Variants in SPTB observed in about 807,000 individuals in gnomAD.
SPTB encodes the protein spectrin beta, erythrocytic.
A neutral mutation model predicts 256.2 loss-of-function variants in SPTB; 45 were observed. That is an observed-to-expected ratio of 0.18 (90% CI 0.14 to 0.23). The LOEUF (loss-of-function observed/expected upper bound fraction) is 0.23. SPTB is among the 10% of genes least tolerant of loss of function. The pLI, the probability that SPTB is intolerant of heterozygous loss-of-function variation, is 1.00. For missense variants in SPTB, 2,715 were observed against 3,040.4 expected (o/e 0.89, Z 2.52); for synonymous variants, 1,231 against 1,243.1 (o/e 0.99, Z 0.21).
chr14:64,816,850 G>A lies in SPTB; in HGVS notation c.148+6097C>T, dbSNP rs1216246284. Among the ~76,000 whole-genome samples the A allele has an allele frequency of 3.4e-5, 5 of 148,156 alleles. No homozygotes were observed. In the East Asian group the frequency reaches 1.0e-3, roughly 31 times the overall value. ...GGGACACATGGGGCAGGGAGAATGG[G>A]TGCTGGCTTTTCCTGAGAGCCATAA... On this transcript the variant is annotated intron_variant, in intron 2 of 35. Transcript: ENST00000644917. This position sits in a 1 kb window ranked among gnomAD's most constrained non-coding sequence, Gnocchi z 4.2.
At chr14:64,863,627 T>C (rs563738907) in intron 1 of SPTB, among the ~76,000 whole-genome samples, 102 of 152,318 alleles carry the variant, frequency 6.7e-4, no homozygotes, top group African/African-American at 2.3e-3. Context: ...CTGCATCATT[T>C]CTGTCTCTGC....
At chr14:64,865,729 A>C (rs1305779453) in intron 1 of SPTB, among the ~76,000 whole-genome samples, 2 of 152,180 alleles carry the variant, frequency 1.3e-5, no homozygotes, top group African/African-American at 2.4e-5. Context: ...CACAGCTTTG[A>C]AACACAAATG....
At chr14:64,836,240 C>T (rs1403828447) in intron 1 of SPTB, among the ~76,000 whole-genome samples, 6 of 152,118 alleles carry the variant, frequency 3.9e-5, no homozygotes, top group Non-Finnish European at 7.4e-5. Flanking sequence ...CGTAGCCTCC[C>T]CCTCTATTTA....
chr14:64,878,268 G>A (rs1186680860), intron 1 of SPTB, among the ~76,000 whole-genome samples: 2 of 152,164 alleles, frequency 1.3e-5, no homozygotes, highest in East Asian at 3.9e-4. Context: ...TTTCAAGGCT[G>A]GTGGGCTCTT....
intron 15 of SPTB, among the ~76,000 whole-genome samples, chr14:64,789,539 C>T (rs61594992): frequency 0.19 from 28,359 of 151,936 alleles, 3,157 homozygotes; most frequent in African/African-American, 0.3. Context: ...TTCCATGGGG[C>T]GGTCAGCGGG....
chr14:64,774,311 C>T, intron 24 of SPTB, 86 bp downstream of exon 24: 1 of 1,489,496 alleles, frequency 6.7e-7, no homozygotes, highest in Non-Finnish European at 9.0e-7. Context: ...TTTCCATTTT[C>T]CTTTTAAATC....
chr14:64,813,759 C>T (rs1029036808), intron 2 of SPTB, among the ~76,000 whole-genome samples: 12 of 152,226 alleles, frequency 7.9e-5, no homozygotes, highest in African/African-American at 2.4e-4. Flanking sequence ...CTCTTGACCT[C>T]AGGTGCTCCA....
At position 64,779,768 on chromosome 14, in the gene SPTB, G is replaced by A; in HGVS notation, c.4430C>T (p.Ser1477Phe). 1 of 1,614,156 alleles carries A rather than the reference G, an allele frequency of 6.2e-7. No individual in the cohort carries two copies. The highest frequency in any genetic ancestry group is 8.5e-7 in the Non-Finnish European group (1 of 1,180,026). Residue 1477 changes from serine to phenylalanine, a missense_variant, in exon 21 of 36, where the codon TCC (serine) becomes TTC (phenylalanine). Ser to Phe is a radical substitution (Grantham distance 155). This residue lies in a region of SPTB where 2,239 missense variants were observed against 2,384.4 expected (regional missense o/e 0.94). Coordinates refer to ENST00000644917, the MANE Select transcript of SPTB (RefSeq NM_001355436.2). This position sits in a 1 kb window ranked among gnomAD's most constrained non-coding sequence, Gnocchi z 4.2. ...CCGGCTGATCTGCAGCTTGGCTCTG[G>A]ATGATTCCAGCTGCTTCTTCCTCCT... ...LGRRKKQLES[S>F]RAKLQISRDL...
In SPTB at chr14:64,764,418, C is replaced by T. The variant is rs1157355064; in HGVS notation, c.6345+2308G>A. Among the ~76,000 whole-genome samples, 9 of 152,200 alleles carry T rather than the reference C, an allele frequency of 5.9e-5. No individual in the cohort carries two copies. Among genetic ancestry groups the T allele is most frequent in the African/African-American group, 1.2e-4 (5 of 41,448 alleles). On this transcript the variant is annotated intron_variant, in intron 32 of 35. Coordinates refer to ENST00000644917, the MANE Select transcript of SPTB (RefSeq NM_001355436.2). The surrounding 1 kb of genome is among the most constrained non-coding windows in gnomAD (Gnocchi z 4.2). The stretch of plus-strand genomic sequence containing the variant: ...GTGCGTGAGGCCTTGGGTCTGTGTT[C>T]GTTTGAGTCACCATCTGGTTTCTTT...
chr14:64,779,005 T>A lies in SPTB; in HGVS notation c.4563+152A>T, dbSNP rs538152815. 2.5e-4 allele frequency: 164 copies of A among 650,570 alleles called. 3 individuals carry two copies. The South Asian group carries it at 2.8e-3, about 11-fold the overall frequency. 40.3% of individuals were successfully genotyped at this position (650,570 alleles called of 1,614,324 possible). On this transcript the variant is annotated intron_variant, in intron 22 of 35. Transcript: ENST00000644917. The surrounding 1 kb of genome is among the most constrained non-coding windows in gnomAD (Gnocchi z 4.2). ...AAAACCTGCTCTTTCTGCTATAAGA[T>A]TACCAATACGGTTTGGAGACCCCAA...
intron 33 of SPTB, 101 bp downstream of exon 33, chr14:64,753,436 C>A: frequency 1.3e-6 from 2 of 1,580,626 alleles, no homozygotes; most frequent in Non-Finnish European, 1.7e-6. Flanking sequence ...CAGAAGGCAC[C>A]CCTCCCCCAG....
In SPTB at chr14:64,772,493, A is replaced by C; in HGVS notation, c.5553+87T>G. ...CAAAACCTCCTGGCACTTATCCTAGAGGTTTTCCTGCTGACAGCCAGGTGG... is the reference window on the plus strand; with the variant it reads ...CAAAACCTCCTGGCACTTATCCTAGCGGTTTTCCTGCTGACAGCCAGGTGG... On this transcript the variant is annotated intron_variant, in intron 26 of 35. Transcript: ENST00000644917. The surrounding 1 kb of genome is among the most constrained non-coding windows in gnomAD (Gnocchi z 5.4). 2.6e-6 allele frequency: 4 copies of C among 1,554,890 alleles called. No individual in the cohort carries two copies. The South Asian group carries it at 4.7e-5, about 18-fold the overall frequency.
At position 64,749,212 on chromosome 14, in the gene SPTB, G is replaced by T. The variant is rs955564434; in HGVS notation, c.*94C>A. 5 of 1,460,690 alleles carry T rather than the reference G, an allele frequency of 3.4e-6. No homozygotes were observed. Among genetic ancestry groups the T allele is most frequent in the South Asian group, 1.2e-5 (1 of 82,068 alleles). The allele number at this position is 1,460,690 out of a possible 1,614,324, so 90.5% of individuals were successfully genotyped here. A position where few individuals can be genotyped will look rare whatever the true frequency, so the allele number is the denominator to read the frequency against. On this transcript the variant is annotated 3_prime_UTR_variant, in exon 36 of 36. Coordinates refer to ENST00000644917, the MANE Select transcript of SPTB (RefSeq NM_001355436.2). The surrounding 1 kb of genome is among the most constrained non-coding windows in gnomAD (Gnocchi z 4.7). Reference sequence around the variant, plus strand: ...CCCGGCCCGCGACTCGACTCATCTCGATTCGACCGGCGGGCGGCGGCGAGA... The same window carrying T: ...CCCGGCCCGCGACTCGACTCATCTCTATTCGACCGGCGGGCGGCGGCGAGA...
intron 33 of SPTB, among the ~76,000 whole-genome samples, chr14:64,752,837 T>G (rs1317815927): frequency 6.6e-6 from 1 of 152,166 alleles, no homozygotes. Flanking sequence ...CTCCTGGTGC[T>G]GCCCTATTTT....
Position 64,779,581 on chromosome 14 carries a change from G to A in SPTB, c.4473+144C>T, listed in dbSNP as rs2082427410. 2.3e-6 allele frequency: 2 copies of A among 868,596 alleles called. No individual in the cohort carries two copies. Among genetic ancestry groups the A allele is most frequent in the Admixed American group, 1.8e-5 (1 of 56,768 alleles). 53.8% of individuals were successfully genotyped at this position (868,596 alleles called of 1,614,324 possible). A position where few individuals can be genotyped will look rare whatever the true frequency, so the allele number is the denominator to read the frequency against. On this transcript the variant is annotated intron_variant, in intron 21 of 35. Transcript: ENST00000644917. The surrounding 1 kb of genome is among the most constrained non-coding windows in gnomAD (Gnocchi z 4.2). The stretch of plus-strand genomic sequence containing the variant: ...CACTGGCTTGAGCTTTCCATTTAAT[G>A]TAATCCTCACAAGAACCCTATGAGA...
intron 1 of SPTB, among the ~76,000 whole-genome samples, chr14:64,877,547 C>A (rs902854009): frequency 6.6e-5 from 10 of 152,136 alleles, no homozygotes; most frequent in African/African-American, 2.4e-4. Flanking sequence ...TATGAGCTAC[C>A]TTATAGAGTT....
At chr14:64,822,568 C>T (rs186020511) in intron 2 of SPTB, among the ~76,000 whole-genome samples, 1 of 152,132 alleles carries the variant, frequency 6.6e-6, no homozygotes, top group East Asian at 2.0e-4. Context: ...GGTAATTCCT[C>T]TCTCTAGGCC....
intron 1 of SPTB, among the ~76,000 whole-genome samples, chr14:64,867,578 G>A (rs960460289): frequency 2.6e-5 from 4 of 152,208 alleles, no homozygotes; most frequent in African/African-American, 9.7e-5. Context: ...GCTGTGCTGG[G>A]TGCGGAGGCT....
rs2082732620 is a variant in SPTB at position 64,794,559 on chromosome 14, T to C, written c.1703A>G (p.Gln568Arg). The part of the protein sequence containing the change: ...KHLLEVEDLL[Q>R]KHKLMEADIA... The stretch of plus-strand genomic sequence containing the variant: ...GTCAGCTTCCATCAACTTGTGCTTC[T>C]GTAGCAGGTCTTCAACCTCCAACAA... Residue 568 changes from glutamine (Q) to arginine (R), a missense_variant, in exon 13 of 36, where the codon CAG (glutamine) becomes CGG (arginine). Gln to Arg is a conservative substitution (Grantham distance 43). This residue lies in a region of SPTB where 2,239 missense variants were observed against 2,384.4 expected (regional missense o/e 0.94). Transcript: ENST00000644917. 1.2e-6 allele frequency: 2 copies of C among 1,614,076 alleles called. No homozygotes were observed. The highest frequency in any genetic ancestry group is 1.7e-6 in the Non-Finnish European group (2 of 1,180,052).
Sources: allele counts gnomAD v4.1 joint callset (sites outside exome capture counted in the v4.1 genomes callset), GRCh38; gene constraint gnomAD v4.1.1; regional missense constraint gnomAD v4.1.1; non-coding constraint Gnocchi (gnomAD v3.1); transcripts MANE v1.5; gene names NCBI Gene and HGNC (gene_info 2026-07-23, HGNC 2026-07-21).